SLC12A4: variants seen among roughly 807,000 people sequenced by gnomAD.
SLC12A4 encodes the protein solute carrier family 12 member 4, also known as electroneutral potassium-chloride cotransporter 1.
In SLC12A4, 84 loss-of-function variants were observed where a neutral mutation model predicts 119.2. The ratio of observed to expected loss-of-function variants is 0.70; its 90% CI spans 0.59 to 0.85. SLC12A4 has a LOEUF of 0.85. Ranked by LOEUF, SLC12A4 falls within the 40% of genes least tolerant of loss-of-function variation. SLC12A4 has a pLI of 0.00. For missense variants in SLC12A4, 1,298 were observed against 1,476.3 expected (o/e 0.88, Z 1.98); for synonymous variants, 599 against 604.6 (o/e 0.99, Z 0.14).
chr16:67,950,480 C>T lies in SLC12A4; in HGVS notation c.1468G>A (p.Val490Ile), dbSNP rs1359720076. The T allele has an allele frequency of 1.2e-6, 2 of 1,614,002 alleles. No homozygotes were observed. The highest frequency in any genetic ancestry group is 1.7e-6 in the Non-Finnish European group (2 of 1,180,014). ...GTGCCCACCACCAAGTTCCTGCTGA[C>T]ACCATCGCCATACCTGCAGGGGCCA... ...VVLRDKYGDG[V>I]SRNLVVGTLA... The change falls in exon 12 of 24, where the codon GTC becomes ATC. Residue 490 changes from valine (V) to isoleucine (I), a missense_variant. Transcript: ENST00000316341. This position sits in a 1 kb window ranked among gnomAD's most constrained non-coding sequence, Gnocchi z 4.3.
In SLC12A4 at chr16:67,950,276, G is replaced by A; in HGVS notation, c.1629+43C>T. 3 of 1,598,870 alleles carry A rather than the reference G, an allele frequency of 1.9e-6. No homozygotes were observed. The highest frequency in any genetic ancestry group is 2.6e-6 in the Non-Finnish European group (3 of 1,171,196). On this transcript the variant is annotated intron_variant, in intron 12 of 23. Transcript: ENST00000316341. This position sits in a 1 kb window ranked among gnomAD's most constrained non-coding sequence, Gnocchi z 4.3. ...TATCTCTCTCCCCAGCCGGGCGAGG[G>A]CCTGGGAGCAGCCAGGCCATGGGGG... is the stretch of plus-strand genomic sequence containing the variant.
intron 23 of SLC12A4, 78 bp from the exon 24 acceptor site, chr16:67,945,009 G>C (rs770644164): frequency 6.2e-7 from 1 of 1,603,446 alleles, no homozygotes; most frequent in South Asian, 1.1e-5. Context: ...CCACCCAGGG[G>C]TGCCCAGGAG....
At position 67,947,332 on chromosome 16, in the gene SLC12A4, G is replaced by T; in HGVS notation, c.2071C>A (p.Arg691=). 1.9e-6 allele frequency: 3 copies of T among 1,611,366 alleles called. No individual in the cohort carries two copies. Among genetic ancestry groups the T allele is most frequent in the Non-Finnish European group, 2.5e-6 (3 of 1,179,120 alleles). Residue 691 remains arginine (R), a splice_region_variant and synonymous_variant, in exon 16 of 24, where the codon CGG becomes AGG. Transcript: ENST00000316341. ...GGCCAGGGTCTGGCGGGAACTCACC[G>T]CCAGTTCTTGGTGTGAGGAGGCCCC... ...EEGPPHTKNW[R]PQLLVLLKLD...
chr16:67,943,951 G>GGATGAC lies in SLC12A4; in HGVS notation c.*883_*888dup. 1 of 1,546,498 alleles carries GGATGAC rather than the reference G, an allele frequency of 6.5e-7. No individual in the cohort carries two copies. The highest frequency in any genetic ancestry group is 2.4e-5 in the East Asian group (1 of 40,840). On this transcript the variant is annotated 3_prime_UTR_variant, in exon 24 of 24. Coordinates refer to ENST00000316341, the MANE Select transcript of SLC12A4 (RefSeq NM_005072.5). The surrounding 1 kb of genome is among the most constrained non-coding windows in gnomAD (Gnocchi z 4.6). The stretch of plus-strand genomic sequence containing the variant: ...CAGGGGCCTGGTGGGGGCTTACCGA[G>GGATGAC]GATGACGGGCCGTGTGTGGTTACTG...
chr16:67,951,374 A>G lies in SLC12A4; in HGVS notation c.1133-70T>C, dbSNP rs574195704. Reference sequence around the variant, plus strand: ...CCAGGTAGTTTGGGGCAGCCTAGCCAGAGGCGCAGATGCAGGGCAACTTTG... The same window carrying G: ...CCAGGTAGTTTGGGGCAGCCTAGCCGGAGGCGCAGATGCAGGGCAACTTTG... On this transcript the variant is annotated intron_variant, in intron 8 of 23. Transcript: ENST00000316341. This position sits in a 1 kb window ranked among gnomAD's most constrained non-coding sequence, Gnocchi z 5.2. The G allele has an allele frequency of 5.3e-5, 81 of 1,541,652 alleles. No individual in the cohort carries two copies. In the South Asian group the frequency reaches 7.3e-4, roughly 14 times the overall value.
chr16:67,952,652 G>A (rs569919754), intron 6 of SLC12A4, among the ~76,000 whole-genome samples: 18 of 149,870 alleles, frequency 1.2e-4, no homozygotes, highest in East Asian at 9.9e-4. Context: ...TTAGCCGGGC[G>A]TGGTGGCACG....
chr16:67,957,672 T>C, intron 5 of SLC12A4, 70 bp downstream of exon 5: 4 of 1,581,408 alleles, frequency 2.5e-6, no homozygotes, highest in East Asian at 4.5e-5. Context: ...GCTATGGGGG[T>C]TCCCAGGTAG....
rs2030152877 is a variant in SLC12A4, at chr16:67,954,742, T to C, written c.576A>G (p.Ser192=). ...AGGSYFMISR[S]LGPEFGGAVG... is the part of the protein sequence containing the mutation. Reference sequence around the variant, plus strand: ...CAGCACCTCCAAATTCTGGCCCCAGTGAACGAGAGATCATGAAATAGGAGC... The same window carrying C: ...CAGCACCTCCAAATTCTGGCCCCAGCGAACGAGAGATCATGAAATAGGAGC... Residue 192 remains serine, a synonymous_variant, in exon 6 of 24, where the codon TCA becomes TCG. Coordinates refer to ENST00000316341, the MANE Select transcript of SLC12A4 (RefSeq NM_005072.5). 6.2e-7 allele frequency: 1 copy of C among 1,614,066 alleles called. No individual in the cohort carries two copies. The highest frequency in any genetic ancestry group is 2.2e-5 in the East Asian group (1 of 44,872).
intron 6 of SLC12A4, among the ~76,000 whole-genome samples, 173 bp from the exon 7 acceptor site, chr16:67,952,598 T>TGA (rs1346721500): frequency 2.3e-4 from 30 of 131,628 alleles, no homozygotes; most frequent in Middle Eastern, 6.0e-3. Flanking sequence ...CAGGAGATCA[T>TGA]GACTAGCCTG....
rs2029971313 is a variant in SLC12A4, at chr16:67,952,418, A to G, written c.683T>C (p.Ile228Thr). ...LGAIEILLTY[I>T]APPAAIFYPS... is the part of the protein sequence containing the mutation. ...GTAAAAAATGGCAGCTGGTGGGGCA[A>G]TGTAGGTCTGAAACAAGAAGATGGA... is the stretch of plus-strand genomic sequence containing the variant. Residue 228 changes from isoleucine (I) to threonine (T), a missense_variant, in exon 7 of 24, where the codon ATT becomes ACT. Transcript: ENST00000316341. The G allele has an allele frequency of 6.2e-7, 1 of 1,613,962 alleles. No homozygotes were observed. The highest frequency in any genetic ancestry group is 1.3e-5 in the African/African-American group (1 of 74,926).
intron 1 of SLC12A4, among the ~76,000 whole-genome samples, chr16:67,965,318 A>AC (rs1490767685): frequency 6.6e-6 from 1 of 151,902 alleles, no homozygotes; most frequent in East Asian, 1.9e-4. Context: ...GTGACAAAAA[A>AC]AGTGTCTCCC....
In SLC12A4 at chr16:67,945,139, C is replaced by A. The variant is rs143698987; in HGVS notation, c.3114G>T (p.Leu1038=). Residue 1038 remains leucine (L), a synonymous_variant, in exon 23 of 24, where the codon CTG becomes CTT. Coordinates refer to ENST00000316341, the MANE Select transcript of SLC12A4 (RefSeq NM_005072.5). The part of the protein sequence containing the change: ...VIVTRSHDAR[L]VLLNMPGPPR... ...GTGGGCCAGGCATGTTTAGGAGAAC[C>A]AGGCGGGCGTCGTGGGAGCGCGTGA... The A allele has an allele frequency of 1.9e-6, 3 of 1,600,194 alleles. No individual in the cohort carries two copies. Among genetic ancestry groups the A allele is most frequent in the African/African-American group, 1.3e-5 (1 of 74,526 alleles).
At chr16:67,964,728 A>G (rs574445791) in intron 1 of SLC12A4, among the ~76,000 whole-genome samples, 1 of 152,270 alleles carries the variant, frequency 6.6e-6, no homozygotes, top group African/African-American at 2.4e-5. Flanking sequence ...TGGGCCATGC[A>G]CTGGCCATGC....
chr16:67,946,740 TG>T, intron 17 of SLC12A4, 107 bp from the exon 18 acceptor site: 3 of 1,363,924 alleles, frequency 2.2e-6, no homozygotes, highest in South Asian at 1.4e-5. Flanking sequence ...GAGGAGGGCC[TG>T]GGGGCAACAA....
intron 2 of SLC12A4, chr16:67,963,221 T>G: frequency 1.7e-5 from 4 of 233,476 alleles, no homozygotes; most frequent in Non-Finnish European, 3.3e-5. Context: ...TGCTGAGGGG[T>G]TGTAAGGAAG....
chr16:67,955,761 C>A (rs1241392073), intron 5 of SLC12A4, among the ~76,000 whole-genome samples: 1 of 151,982 alleles, frequency 6.6e-6, no homozygotes, highest in African/African-American at 2.4e-5. Flanking sequence ...CACCTGTAGT[C>A]CCAGCTACTC....
At chr16:67,967,576 C>G (rs1405046376) in intron 1 of SLC12A4, among the ~76,000 whole-genome samples, 1 of 152,184 alleles carries the variant, frequency 6.6e-6, no homozygotes, top group Non-Finnish European at 1.5e-5. Context: ...AAGAACAGCC[C>G]TCTGGGGGGC....
chr16:67,958,147 A>G, intron 3 of SLC12A4, 103 bp from the exon 4 acceptor site: 1 of 1,220,360 alleles, frequency 8.2e-7, no homozygotes, highest in African/African-American at 1.5e-5. Flanking sequence ...GTGGGGCCCC[A>G]GGGAACACAG....
rs764782649 is a variant in SLC12A4, at chr16:67,944,938, G to A, written c.3167-7C>T. The A allele has an allele frequency of 2.5e-6, 4 of 1,613,234 alleles. No homozygotes were observed. The Admixed American group carries it at 5.0e-5, about 20-fold the overall frequency. On this transcript the variant is annotated splice_polypyrimidine_tract_variant and splice_region_variant and intron_variant, in intron 23 of 23. Coordinates refer to ENST00000316341, the MANE Select transcript of SLC12A4 (RefSeq NM_005072.5). The surrounding 1 kb of genome is among the most constrained non-coding windows in gnomAD (Gnocchi z 6.6). ...ACCTCGAGGAACTCCATGTCTGCAG[G>A]GCCTCAAGTCAAGGAGGCAACAACA...
Sources: gnomAD v4.1 joint callset for allele counts (sites outside exome capture counted in the v4.1 genomes callset) on GRCh38, gnomAD v4.1.1 for gene constraint, Gnocchi (gnomAD v3.1) non-coding constraint, MANE v1.5 for transcripts, NCBI Gene and HGNC (gene_info 2026-07-23, HGNC 2026-07-21) for gene names.